CPNE8: variants seen among roughly 807,000 people sequenced by gnomAD.
The protein encoded by CPNE8 is copine-8.
Under a neutral mutation model 81.5 loss-of-function variants are expected in CPNE8, and 45 were observed. That is an observed-to-expected ratio of 0.55 (90% CI 0.44 to 0.71). CPNE8 has a LOEUF of 0.71. Among genes scored for constraint, CPNE8 ranks in the 30% least tolerant of loss-of-function variants. CPNE8 has a pLI of 0.00. For synonymous variants in CPNE8, 252 were observed against 226.3 expected (o/e 1.11, Z -1.02); for missense variants, 594 against 672.1 (o/e 0.88, Z 1.28).
chr12:38,803,686 G>A (rs551222696), intron 6 of CPNE8, among the ~76,000 whole-genome samples: 1 of 150,044 alleles, frequency 6.7e-6, no homozygotes, highest in Non-Finnish European at 1.5e-5. Flanking sequence ...GGAAATAAAG[G>A]GTATTCAATT....
At position 38,697,464 on chromosome 12, in the gene CPNE8, C is replaced by T. The variant is rs2136680084; in HGVS notation, c.962-3626G>A. On this transcript the variant is annotated intron_variant, in intron 14 of 19. Transcript: ENST00000331366. Reference sequence around the variant, plus strand: ...GGGATATTATGCTGTTATATATATTCACGTATAAGTTTTTTTGCTGACATA... The same window carrying T: ...GGGATATTATGCTGTTATATATATTTACGTATAAGTTTTTTTGCTGACATA... 1.3e-5 allele frequency among the ~76,000 whole-genome samples: 2 copies of T among 152,212 alleles called. 1 individual carries two copies. The highest frequency in any genetic ancestry group is 4.2e-4 in the South Asian group (2 of 4,818).
chr12:38,735,510 T>C lies in CPNE8; in HGVS notation c.723-5152A>G, dbSNP rs1013486046. Among the ~76,000 whole-genome samples the C allele has an allele frequency of 2.6e-5, 4 of 152,034 alleles. No individual in the cohort carries two copies. The East Asian group carries it at 5.8e-4, about 22-fold the overall frequency. ...GGTCCAGATAACAACGTATTAGCTCTCTCTGATTTTGCTAACTTTCTTTGC... is the reference window on the plus strand; with the variant it reads ...GGTCCAGATAACAACGTATTAGCTCCCTCTGATTTTGCTAACTTTCTTTGC... On this transcript the variant is annotated intron_variant, in intron 10 of 19. Transcript: ENST00000331366.
intron 4 of CPNE8, among the ~76,000 whole-genome samples, chr12:38,843,368 C>CT (rs1474663121): frequency 2.0e-5 from 3 of 152,280 alleles, no homozygotes; most frequent in Non-Finnish European, 4.4e-5. Context: ...TACTTTCTCC[C>CT]TAAAGTTCAG....
At chr12:38,783,057 C>T (rs902352602) in intron 6 of CPNE8, among the ~76,000 whole-genome samples, 1 of 152,084 alleles carries the variant, frequency 6.6e-6, no homozygotes, top group African/African-American at 2.4e-5. Context: ...TTAAAGATTG[C>T]TTCTTTTAAC....
At chr12:38,683,847 A>G (rs541183455) in intron 16 of CPNE8, among the ~76,000 whole-genome samples, 75 of 152,258 alleles carry the variant, frequency 4.9e-4, no homozygotes, top group South Asian at 3.5e-3. Flanking sequence ...AGGTGCTCCT[A>G]TATTCAAGAA....
chr12:38,673,903 G>A (rs1411488323), intron 18 of CPNE8, among the ~76,000 whole-genome samples: 1 of 152,054 alleles, frequency 6.6e-6, no homozygotes, highest in Non-Finnish European at 1.5e-5. Context: ...ATAAGGAGAA[G>A]TCCTGGAGAT....
At chr12:38,835,942 T>C (rs1227535408) in intron 5 of CPNE8, among the ~76,000 whole-genome samples, 1 of 152,170 alleles carries the variant, frequency 6.6e-6, no homozygotes. Flanking sequence ...GCCTTGTCTG[T>C]ATGAAAATTT....
intron 5 of CPNE8, among the ~76,000 whole-genome samples, chr12:38,836,347 G>C (rs1451456741): frequency 6.6e-6 from 1 of 152,044 alleles, no homozygotes; most frequent in East Asian, 1.9e-4. Context: ...ATCAATTAAA[G>C]TAATTATGAT....
chr12:38,854,188 T>C (rs1276460891), intron 3 of CPNE8, among the ~76,000 whole-genome samples: 6 of 151,876 alleles, frequency 4.0e-5, no homozygotes, highest in East Asian at 1.9e-4. Context: ...GCATGAAGGA[T>C]ACCAAACATA....
rs539994160 is a variant in CPNE8 at position 38,658,024 on chromosome 12, G to C, written c.1507-3954C>G. 3.3e-5 allele frequency among the ~76,000 whole-genome samples: 5 copies of C among 152,258 alleles called. No homozygotes were observed. The South Asian group carries it at 1.0e-3, about 32-fold the overall frequency. The stretch of plus-strand genomic sequence containing the variant: ...AGATCACAGCTCCTTGCCAGTAATG[G>C]AACAAAGATGGATGGAGAATGAGTT... On this transcript the variant is annotated intron_variant, in intron 19 of 19. Coordinates refer to ENST00000331366, the MANE Select transcript of CPNE8 (RefSeq NM_153634.3).
chr12:38,710,967 C>T lies in CPNE8; in HGVS notation c.915-8046G>A, dbSNP rs568018300. On this transcript the variant is annotated intron_variant, in intron 13 of 19. Coordinates refer to ENST00000331366, the MANE Select transcript of CPNE8 (RefSeq NM_153634.3). ...TGTTTCTCCTGCTCCCAGCCCCCAACCTTTTAATTGCCCACCACTGTGAAA... is the reference window on the plus strand; with the variant it reads ...TGTTTCTCCTGCTCCCAGCCCCCAATCTTTTAATTGCCCACCACTGTGAAA... Among the ~76,000 whole-genome samples the T allele has an allele frequency of 1.2e-3, 181 of 152,266 alleles. 1 individual carries two copies. Among genetic ancestry groups the T allele is most frequent in the African/African-American group, 4.2e-3 (174 of 41,550 alleles).
intron 10 of CPNE8, among the ~76,000 whole-genome samples, chr12:38,745,481 C>T (rs1941207147): frequency 6.6e-6 from 1 of 152,192 alleles, no homozygotes; most frequent in Non-Finnish European, 1.5e-5. Context: ...CCTGCAGTAA[C>T]TAGTGTAGTG....
intron 6 of CPNE8, among the ~76,000 whole-genome samples, chr12:38,784,997 C>T (rs1407700751): frequency 6.6e-6 from 1 of 152,072 alleles, no homozygotes; most frequent in Non-Finnish European, 1.5e-5. Context: ...GTGTTTGAGA[C>T]CAGCCTGGCC....
chr12:38,798,768 C>G (rs944011723), intron 6 of CPNE8, among the ~76,000 whole-genome samples: 6 of 152,068 alleles, frequency 3.9e-5, no homozygotes, highest in East Asian at 1.9e-4. Flanking sequence ...TGGATAAAGA[C>G]TCAAGATCCA....
At chr12:38,871,050 A>T (rs1943985178) in intron 3 of CPNE8, among the ~76,000 whole-genome samples, 1 of 152,118 alleles carries the variant, frequency 6.6e-6, no homozygotes, top group Non-Finnish European at 1.5e-5. Flanking sequence ...AAAAATTGTA[A>T]ATTAAATAAG....
At chr12:38,749,646 C>T (rs915329190) in intron 10 of CPNE8, among the ~76,000 whole-genome samples, 25 of 152,104 alleles carry the variant, frequency 1.6e-4, no homozygotes, top group Admixed American at 1.3e-3. Context: ...AAGAGACTGG[C>T]GGCATTTTGC....
At chr12:38,790,524 A>G (rs540961773) in intron 6 of CPNE8, among the ~76,000 whole-genome samples, 1 of 151,838 alleles carries the variant, frequency 6.6e-6, no homozygotes, top group South Asian at 2.1e-4. Context: ...ACGAAATGAG[A>G]CCTAGTATTT....
At chr12:38,693,486 A>C (rs143098149) in intron 15 of CPNE8, among the ~76,000 whole-genome samples, 171 bp downstream of exon 15, 45 of 152,294 alleles carry the variant, frequency 3.0e-4, no homozygotes, top group African/African-American at 9.6e-4. Context: ...TAAGCTATTT[A>C]GCTGTCCTTT....
chr12:38,842,429 G>A (rs1013446045), intron 4 of CPNE8, among the ~76,000 whole-genome samples: 1 of 151,908 alleles, frequency 6.6e-6, no homozygotes, highest in Non-Finnish European at 1.5e-5. Flanking sequence ...AAAAGCTTAA[G>A]TATCTTCAAA....
Sources: gnomAD v4.1 joint callset for allele counts (sites outside exome capture counted in the v4.1 genomes callset) on GRCh38, gnomAD v4.1.1 for gene constraint, MANE v1.5 for transcripts, NCBI Gene and HGNC (gene_info 2026-07-23, HGNC 2026-07-21) for gene names.